ANO2: variants seen among roughly 807,000 people sequenced by gnomAD.
ANO2 encodes anoctamin 2, also known as anoctamin-2.
Under a neutral mutation model 124.2 loss-of-function variants are expected in ANO2, and 101 were observed. The observed-to-expected ratio is 0.81, with a 90% CI of 0.69 to 0.96. The LOEUF is 0.96. ANO2 is among the 40% of genes least tolerant of loss of function. The pLI is 0.00. For missense variants in ANO2, 1,293 were observed against 1,274.5 expected (o/e 1.01, Z -0.22); for synonymous variants, 486 against 482.5 (o/e 1.01, Z -0.09).
chr12:5,624,258 G>A lies in ANO2; in HGVS notation c.1817-8961C>T, dbSNP rs148008169. Among the ~76,000 whole-genome samples the A allele has an allele frequency of 6.3e-3, 962 of 152,100 alleles. 7 individuals carry two copies. The highest frequency in any genetic ancestry group is 0.013 in the African/African-American group (528 of 41,402). On this transcript the variant is annotated intron_variant, in intron 16 of 24. Coordinates refer to ENST00000682330, the MANE Select transcript of ANO2 (RefSeq NM_001364791.2). ...GGAGCACTGGAGAGAGAGAGAGAGAGAGAAACAGACAGACAGACAGACAGA... is the reference window on the plus strand; with the variant it reads ...GGAGCACTGGAGAGAGAGAGAGAGAAAGAAACAGACAGACAGACAGACAGA...
intron 14 of ANO2, among the ~76,000 whole-genome samples, chr12:5,701,547 C>A (rs1949405882): frequency 6.6e-6 from 1 of 152,146 alleles, no homozygotes; most frequent in Admixed American, 6.5e-5. Context: ...CTAGATTATT[C>A]ATGAAAATCT....
At chr12:5,579,947 T>C (rs1401485090) in intron 20 of ANO2, among the ~76,000 whole-genome samples, 1 of 152,180 alleles carries the variant, frequency 6.6e-6, no homozygotes, top group East Asian at 1.9e-4. Flanking sequence ...CCCACCACCC[T>C]GTGTTCAGGC....
chr12:5,745,214 A>T (rs559515885), intron 11 of ANO2, among the ~76,000 whole-genome samples: 2 of 152,296 alleles, frequency 1.3e-5, no homozygotes, highest in African/African-American at 4.8e-5. Context: ...CTTTCCCAAT[A>T]ACCCTCTATA....
intron 14 of ANO2, among the ~76,000 whole-genome samples, chr12:5,703,750 T>C (rs1949494677): frequency 6.6e-6 from 1 of 152,196 alleles, no homozygotes; most frequent in Admixed American, 6.5e-5. Flanking sequence ...GGTCTCCTTA[T>C]GTTGCCCAGG....
chr12:5,665,127 T>C lies in ANO2; in HGVS notation c.1546-17326A>G, dbSNP rs976419136. On this transcript the variant is annotated intron_variant, in intron 14 of 24. Transcript: ENST00000682330. ...TCCACATGCCCTTCAGCTCCGTTTC[T>C]TCCCTGAACTGCAGGATGTCTCTGC... Among the ~76,000 whole-genome samples, 48 of 152,280 alleles carry C rather than the reference T, an allele frequency of 3.2e-4. 1 individual carries two copies. The highest frequency in any genetic ancestry group is 1.1e-3 in the African/African-American group (45 of 41,560).
At chr12:5,598,177 G>T (rs550135558) in intron 20 of ANO2, among the ~76,000 whole-genome samples, 1 of 152,246 alleles carries the variant, frequency 6.6e-6, no homozygotes, top group African/African-American at 2.4e-5. Flanking sequence ...TGCACAAAAA[G>T]GTACTGACGG....
chr12:5,629,131 C>T (rs1320992703), intron 16 of ANO2, among the ~76,000 whole-genome samples: 1 of 152,194 alleles, frequency 6.6e-6, no homozygotes, highest in Admixed American at 6.5e-5. Context: ...GAACCCAACC[C>T]TGTGACTTGG....
chr12:5,767,739 C>G (rs142362738), intron 10 of ANO2, among the ~76,000 whole-genome samples: 4 of 152,222 alleles, frequency 2.6e-5, no homozygotes, highest in Admixed American at 6.5e-5. Context: ...CCCTTCCCCC[C>G]CATCTGCTTT....
chr12:5,901,354 AC>A (rs1258408528), intron 3 of ANO2, among the ~76,000 whole-genome samples: 1 of 152,206 alleles, frequency 6.6e-6, no homozygotes, highest in Non-Finnish European at 1.5e-5. Context: ...TGATACCCCA[AC>A]AAGAACAAGG....
At position 5,744,215 on chromosome 12, in the gene ANO2, G is replaced by A. The variant is rs1951195229; in HGVS notation, c.1293C>T (p.Ala431=). 1.2e-6 allele frequency: 2 copies of A among 1,612,934 alleles called. No individual in the cohort carries two copies. Among genetic ancestry groups the A allele is most frequent in the Non-Finnish European group, 8.5e-7 (1 of 1,179,874 alleles). Residue 431 remains alanine (A), a synonymous_variant, in exon 12 of 25, where the codon GCC becomes GCT. Coordinates refer to ENST00000682330, the MANE Select transcript of ANO2 (RefSeq NM_001364791.2). ...NLSSACGTAQ[A]SHLFDNPATV... is the part of the protein sequence containing the mutation. Reference sequence around the variant, plus strand: ...TGGCAGGGTTGTCAAACAGGTGGCTGGCCTGCGCGGTCCCACAGGCTGAGC... The same window carrying A: ...TGGCAGGGTTGTCAAACAGGTGGCTAGCCTGCGCGGTCCCACAGGCTGAGC...
At chr12:5,667,221 C>A (rs542860185) in intron 14 of ANO2, among the ~76,000 whole-genome samples, 34 of 152,270 alleles carry the variant, frequency 2.2e-4, no homozygotes, top group African/African-American at 8.2e-4. Flanking sequence ...TTAGTGAGTT[C>A]TATGAGTCCT....
chr12:5,609,946 A>G (rs981239934), intron 19 of ANO2, among the ~76,000 whole-genome samples: 5 of 144,982 alleles, frequency 3.4e-5, no homozygotes, highest in Non-Finnish European at 7.5e-5. Flanking sequence ...GATATATTTT[A>G]TAAAATGTAT....
chr12:5,810,013 T>C (rs1236744347), intron 7 of ANO2, among the ~76,000 whole-genome samples: 3 of 152,176 alleles, frequency 2.0e-5, no homozygotes, highest in Non-Finnish European at 2.9e-5. Context: ...AAAGTCAAGG[T>C]AAAAGGTCCT....
At chr12:5,798,066 TAAAAA>T (rs972293853) in intron 10 of ANO2, among the ~76,000 whole-genome samples, 1 of 151,362 alleles carries the variant, frequency 6.6e-6, no homozygotes, top group Non-Finnish European at 1.5e-5. Flanking sequence ...TAATCGTACT[TAAAAA>T]AAACAAAAAC....
At chr12:5,736,079 C>T (rs897173926) in intron 13 of ANO2, among the ~76,000 whole-genome samples, 5 of 152,190 alleles carry the variant, frequency 3.3e-5, no homozygotes, top group African/African-American at 4.8e-5. Context: ...GACAGATCTC[C>T]CTGCAAAAAG....
chr12:5,565,552 A>G lies in ANO2; in HGVS notation c.2727+6T>C. 1 of 1,587,438 alleles carries G rather than the reference A, an allele frequency of 6.3e-7. No homozygotes were observed. The highest frequency in any genetic ancestry group is 1.1e-5 in the South Asian group (1 of 86,990). On this transcript the variant is annotated splice_donor_region_variant and intron_variant, in intron 24 of 24. Transcript: ENST00000682330. ...GAATGGGCTATTCCCTATCCCAGCA[A>G]CTCACCTGGAAGATTATGACAAAAG...
At chr12:5,835,209 G>A (rs1399311221) in intron 4 of ANO2, among the ~76,000 whole-genome samples, 2 of 152,192 alleles carry the variant, frequency 1.3e-5, no homozygotes, top group Non-Finnish European at 2.9e-5. Context: ...GTTTAAGGAG[G>A]TTTACACGGG....
chr12:5,808,006 G>A (rs762053814), intron 7 of ANO2, among the ~76,000 whole-genome samples: 3 of 152,228 alleles, frequency 2.0e-5, no homozygotes, highest in Non-Finnish European at 2.9e-5. Context: ...GTGGGGTGTT[G>A]TGGCACATGC....
At chr12:5,753,256 G>T (rs1164547688) in intron 10 of ANO2, among the ~76,000 whole-genome samples, 8 of 152,162 alleles carry the variant, frequency 5.3e-5, no homozygotes, top group Admixed American at 5.2e-4. Context: ...GTGGGCTGGA[G>T]GGGAAAGAGG....
Sources: allele counts gnomAD v4.1 joint callset (sites outside exome capture counted in the v4.1 genomes callset), GRCh38; gene constraint gnomAD v4.1.1; transcripts MANE v1.5; gene names NCBI Gene and HGNC (gene_info 2026-07-23, HGNC 2026-07-21).